The following NDUFS1 variants were observed in gnomAD, a reference collection of about 807,000 sequenced individuals.
NDUFS1 encodes NADH:ubiquinone oxidoreductase core subunit S1, also known as NADH-ubiquinone oxidoreductase 75 kDa subunit, mitochondrial.
NDUFS1 carries 61 observed loss-of-function variants against 84.4 expected under a neutral mutation model. The observed-to-expected ratio is 0.72, with a 90% CI of 0.59 to 0.89. The LOEUF is 0.89. Ranked by LOEUF, NDUFS1 falls within the 40% of genes least tolerant of loss-of-function variation. The pLI, the probability that NDUFS1 is intolerant of heterozygous loss-of-function variation, is 0.00. For synonymous variants in NDUFS1, 275 were observed against 290.0 expected, an observed-to-expected ratio of 0.95 and a Z score of 0.53; for missense variants, 891 against 890.0, an observed-to-expected ratio of 1.00 and a Z score of -0.01.
Position 206,159,398 on chromosome 2 carries a change from C to G in NDUFS1, c.-62G>C, listed in dbSNP as rs1250426087. On this transcript the variant is annotated 5_prime_UTR_variant, in exon 1 of 19. Coordinates refer to ENST00000233190, the MANE Select transcript of NDUFS1 (RefSeq NM_005006.7). ...AAACTGTCTGGACCACGACGACCCCCTAGGAGGCCGGGTCGCTTATTCAAT... is the reference window on the plus strand; with the variant it reads ...AAACTGTCTGGACCACGACGACCCCGTAGGAGGCCGGGTCGCTTATTCAAT... 3 of 517,086 alleles carry G rather than the reference C, an allele frequency of 5.8e-6. No individual in the cohort carries two copies. The highest frequency in any genetic ancestry group is 1.0e-5 in the Non-Finnish European group (3 of 288,850). 32.0% of individuals were successfully genotyped at this position (517,086 alleles called of 1,614,324 possible).
At position 206,147,840 on chromosome 2, in the gene NDUFS1, T is replaced by A; in HGVS notation, c.339-6A>T. 6.2e-7 allele frequency: 1 copy of A among 1,611,294 alleles called. No individual in the cohort carries two copies. The highest frequency in any genetic ancestry group is 8.5e-7 in the Non-Finnish European group (1 of 1,177,448). On this transcript the variant is annotated splice_polypyrimidine_tract_variant and splice_region_variant and intron_variant, in intron 5 of 18. Transcript: ENST00000233190. ...AGAACTCCATCACACCTTCCCTGTA[T>A]GAAAATTGTAACATATAAAATGACT... is the stretch of plus-strand genomic sequence containing the variant.
At chr2:206,124,899 G>T (rs1691230514) in intron 18 of NDUFS1, among the ~76,000 whole-genome samples, 1 of 151,946 alleles carries the variant, frequency 6.6e-6, no homozygotes, top group African/African-American at 2.4e-5. Flanking sequence ...TATTGAAAAA[G>T]GTTACAAAAC....
intron 11 of NDUFS1, 113 bp downstream of exon 11, chr2:206,142,573 T>G: frequency 2.3e-6 from 3 of 1,310,646 alleles, no homozygotes. Context: ...TCTTGGTCTA[T>G]ATATGAAAAT....
chr2:206,138,094 A>C (rs1691789535), intron 13 of NDUFS1, among the ~76,000 whole-genome samples: 1 of 151,898 alleles, frequency 6.6e-6, no homozygotes, highest in Non-Finnish European at 1.5e-5. Context: ...TATTGGTGTA[A>C]GTTTTTTTGG....
At chr2:206,150,563 A>G (rs1241691594) in intron 3 of NDUFS1, among the ~76,000 whole-genome samples, 2 of 152,218 alleles carry the variant, frequency 1.3e-5, no homozygotes, top group Non-Finnish European at 2.9e-5. Flanking sequence ...CAGTGTTTAA[A>G]CTATTTAGTT....
Position 206,126,702 on chromosome 2 carries a change from G to C in NDUFS1, c.2019+8C>G, listed in dbSNP as rs780194304. 5 of 1,614,082 alleles carry C rather than the reference G, an allele frequency of 3.1e-6. No homozygotes were observed. In the South Asian group the frequency reaches 5.5e-5, roughly 18 times the overall value. ...CATTATGAAAACTGCTCATAGGCGAGCTGTTACCTTTGAGAGCTCATTTGC... is the reference window on the plus strand; with the variant it reads ...CATTATGAAAACTGCTCATAGGCGACCTGTTACCTTTGAGAGCTCATTTGC... On this transcript the variant is annotated splice_region_variant and intron_variant, in intron 17 of 18. Transcript: ENST00000233190.
intron 1 of NDUFS1, among the ~76,000 whole-genome samples, chr2:206,156,461 G>A (rs1377990652): frequency 2.0e-5 from 3 of 151,510 alleles, no homozygotes; most frequent in African/African-American, 7.3e-5. Context: ...TGTGGTCCCA[G>A]CTTCACAGGA....
chr2:206,125,881 C>T (rs1054919638), intron 18 of NDUFS1, among the ~76,000 whole-genome samples: 1 of 152,056 alleles, frequency 6.6e-6, no homozygotes, highest in Non-Finnish European at 1.5e-5. Flanking sequence ...CAGATAAATA[C>T]CATAGAAGTG....
In NDUFS1 at chr2:206,133,067, G is replaced by A; in HGVS notation, c.1431C>T (p.Gly477=). 2 of 1,613,200 alleles carry A rather than the reference G, an allele frequency of 1.2e-6. No individual in the cohort carries two copies. Among genetic ancestry groups the A allele is most frequent in the Non-Finnish European group, 8.5e-7 (1 of 1,179,668 alleles). Residue 477 remains glycine (G), a synonymous_variant, in exon 14 of 19, where the codon GGC becomes GGT. Coordinates refer to ENST00000233190, the MANE Select transcript of NDUFS1 (RefSeq NM_005006.7). ...KEAKKPMVVL[G]SSALQRNDGA... ...CATCATTTCTTTGGAGTGCAGAACT[G>A]CCTAAAACCACCATTGGTTTTTTAG...
chr2:206,130,440 T>C (rs917966782), intron 14 of NDUFS1, among the ~76,000 whole-genome samples, 198 bp from the exon 15 acceptor site: 2 of 152,182 alleles, frequency 1.3e-5, no homozygotes, highest in Admixed American at 1.3e-4. Flanking sequence ...CTGTAACCTC[T>C]GCCTCCTGGA....
intron 1 of NDUFS1, among the ~76,000 whole-genome samples, chr2:206,155,393 G>T (rs903296673): frequency 6.6e-6 from 1 of 151,892 alleles, no homozygotes; most frequent in Admixed American, 6.6e-5. Flanking sequence ...GGGATTACAG[G>T]AGTGAGCCAC....
At chr2:206,138,197 T>C (rs1361662256) in intron 13 of NDUFS1, among the ~76,000 whole-genome samples, 4 of 152,146 alleles carry the variant, frequency 2.6e-5, no homozygotes, top group African/African-American at 7.2e-5. Context: ...TTCAAGCAAT[T>C]CTCCTGCTTC....
At chr2:206,157,994 C>G (rs1687734515) in intron 1 of NDUFS1, among the ~76,000 whole-genome samples, 2 of 134,630 alleles carry the variant, frequency 1.5e-5, no homozygotes, top group Non-Finnish European at 3.1e-5. Flanking sequence ...GACAGAGTCT[C>G]GCTCTGTCGC....
chr2:206,135,917 C>T (rs1691692094), intron 13 of NDUFS1, among the ~76,000 whole-genome samples: 2 of 152,106 alleles, frequency 1.3e-5, no homozygotes, highest in South Asian at 2.1e-4. Context: ...AAGCAACCAT[C>T]TTGGAACCAC....
rs750280698 is a variant in NDUFS1 at position 206,144,053 on chromosome 2, A to T, written c.952T>A (p.Ser318Thr). 1.2e-6 allele frequency: 2 copies of T among 1,613,956 alleles called. No homozygotes were observed. The highest frequency in any genetic ancestry group is 1.1e-5 in the South Asian group (1 of 91,082). Residue 318 changes from serine (S) to threonine (T), a missense_variant, in exon 10 of 19, where the codon TCT (serine) becomes ACT (threonine). Ser to Thr is a moderately conservative substitution (Grantham distance 58). Coordinates refer to ENST00000233190, the MANE Select transcript of NDUFS1 (RefSeq NM_005006.7). ...RNEKGLLTYT[S>T]WEDALSRVAG... ...ACGCGAGAGAGCGCATCCTCCCAAG[A>T]AGTATAGGTTAAAAGCCCTTTTTCA...
intron 1 of NDUFS1, among the ~76,000 whole-genome samples, chr2:206,154,957 A>T: frequency 9.8e-6 from 1 of 101,910 alleles, no homozygotes; most frequent in Admixed American, 1.5e-4. Flanking sequence ...ATAGAGTCTT[A>T]CTCTGTTGCC....
chr2:206,148,200 C>T (rs1692234921), intron 5 of NDUFS1, among the ~76,000 whole-genome samples: 2 of 152,210 alleles, frequency 1.3e-5, no homozygotes, highest in Non-Finnish European at 2.9e-5. Context: ...GCTAGAATTA[C>T]AGGCGTGAGC....
chr2:206,153,196 CT>C (rs770646674), intron 2 of NDUFS1, among the ~76,000 whole-genome samples: 314 of 137,806 alleles, frequency 2.3e-3, no homozygotes, highest in Middle Eastern at 7.7e-3. Context: ...TTTGTTTCTT[CT>C]TTTTTTTTTT....
chr2:206,133,805 C>T (rs1297876983), intron 13 of NDUFS1, among the ~76,000 whole-genome samples: 1 of 152,102 alleles, frequency 6.6e-6, no homozygotes, highest in African/African-American at 2.4e-5. Flanking sequence ...CGGCGAAACC[C>T]CGTCTCTACT....
Sources: allele counts gnomAD v4.1 joint callset (sites outside exome capture counted in the v4.1 genomes callset), GRCh38; gene constraint gnomAD v4.1.1; transcripts MANE v1.5; gene names NCBI Gene and HGNC (gene_info 2026-07-23, HGNC 2026-07-21).